The following PTPN5 variants were observed in gnomAD, a reference collection of about 807,000 sequenced individuals.
PTPN5 encodes the protein tyrosine-protein phosphatase non-receptor type 5.
In PTPN5, 29 loss-of-function variants were observed where a neutral mutation model predicts 73.9. The ratio of observed to expected loss-of-function variants is 0.39; its 90% CI spans 0.29 to 0.54. The LOEUF (loss-of-function observed/expected upper bound fraction) is 0.54, where lower values mean the gene tolerates loss of function less well. PTPN5 is among the 20% of genes least tolerant of loss of function. PTPN5 has a pLI of 0.65. For synonymous variants in PTPN5, 267 were observed against 304.7 expected (o/e 0.88, Z 1.29); for missense variants, 652 against 751.4 (o/e 0.87, Z 1.55).
intron 3 of PTPN5, among the ~76,000 whole-genome samples, chr11:18,746,104 T>A (rs1157004565): frequency 6.7e-6 from 1 of 149,442 alleles, no homozygotes; most frequent in Admixed American, 6.7e-5. Flanking sequence ...TTACTCAGTT[T>A]TTTTTGCCTG....
intron 5 of PTPN5, 35 bp downstream of exon 5, chr11:18,743,287 C>A (rs1474326983): frequency 6.3e-7 from 1 of 1,598,844 alleles, no homozygotes; most frequent in Middle Eastern, 1.7e-4. Flanking sequence ...CCCAACAGAT[C>A]CCTGCTACCC....
intron 9 of PTPN5, among the ~76,000 whole-genome samples, chr11:18,735,169 AAAG>A (rs1482709445): frequency 6.6e-6 from 1 of 152,220 alleles, no homozygotes; most frequent in Non-Finnish European, 1.5e-5. Flanking sequence ...TAAAGGATAA[AAAG>A]AAGGATCCTA....
intron 1 of PTPN5, among the ~76,000 whole-genome samples, chr11:18,779,266 G>T (rs1418316691): frequency 6.6e-6 from 1 of 152,016 alleles, no homozygotes; most frequent in African/African-American, 2.4e-5. Flanking sequence ...TTTGGTGGAA[G>T]AGTCTAACTG....
rs533766688 is a variant in PTPN5 at position 18,776,586 on chromosome 11, A to G, written c.-113-4515T>C. 9.7e-4 allele frequency among the ~76,000 whole-genome samples: 147 copies of G among 152,050 alleles called. 2 individuals are homozygous for G. The highest frequency in any genetic ancestry group is 3.4e-3 in the African/African-American group (142 of 41,462). ...ACACGTATGACATCATTCACCTCTC[A>G]CTAGAACCATATGAGGTAAAAAGTC... On this transcript the variant is annotated intron_variant, in intron 1 of 14. Coordinates refer to ENST00000358540, the MANE Select transcript of PTPN5 (RefSeq NM_006906.2).
chr11:18,778,541 C>T (rs1292666745), intron 1 of PTPN5, among the ~76,000 whole-genome samples: 1 of 152,206 alleles, frequency 6.6e-6, no homozygotes, highest in Admixed American at 6.5e-5. Flanking sequence ...ATGGTTTGTG[C>T]CATCCTGACG....
chr11:18,740,690 C>T lies in PTPN5; in HGVS notation c.828G>A (p.Glu276=). ...GGACACGGGAGGCGCTGAGCAGGTACTCGCGGGCGGACTCCTCACGTGGGG... is the reference window on the plus strand; with the variant it reads ...GGACACGGGAGGCGCTGAGCAGGTATTCGCGGGCGGACTCCTCACGTGGGG... ...LMSPREESAR[E]YLLSASRVLQ... Residue 276 remains glutamate (E), a synonymous_variant, in exon 8 of 15, where the codon GAG becomes GAA. Coordinates refer to ENST00000358540, the MANE Select transcript of PTPN5 (RefSeq NM_006906.2). 6.2e-7 allele frequency: 1 copy of T among 1,609,364 alleles called. No individual in the cohort carries two copies. Among genetic ancestry groups the T allele is most frequent in the Non-Finnish European group, 8.5e-7 (1 of 1,177,420 alleles).
chr11:18,775,786 G>A (rs1000823168), intron 1 of PTPN5, among the ~76,000 whole-genome samples: 2 of 152,130 alleles, frequency 1.3e-5, no homozygotes, highest in Non-Finnish European at 2.9e-5. Flanking sequence ...GACCTCTAAG[G>A]GCCTTTCCTT....
At chr11:18,791,022 G>C (rs1851894625) in intron 1 of PTPN5, among the ~76,000 whole-genome samples, 1 of 152,196 alleles carries the variant, frequency 6.6e-6, no homozygotes, top group Non-Finnish European at 1.5e-5. Flanking sequence ...CTGGGGGAGG[G>C]GAGCGCGCTA....
chr11:18,747,104 G>C (rs1296304424), intron 3 of PTPN5, among the ~76,000 whole-genome samples: 1 of 152,026 alleles, frequency 6.6e-6, no homozygotes, highest in Non-Finnish European at 1.5e-5. Context: ...CCTCAGAGGA[G>C]AGGGAACATG....
chr11:18,737,848 G>GC, intron 9 of PTPN5, 32 bp downstream of exon 9: 1 of 1,581,844 alleles, frequency 6.3e-7, no homozygotes, highest in Non-Finnish European at 8.7e-7. Flanking sequence ...AGCTGAGCCT[G>GC]CCCCCATCCC....
Position 18,737,887 on chromosome 11 carries a change from T to G in PTPN5, c.993A>C (p.Ile331=). The G allele has an allele frequency of 6.2e-7, 1 of 1,613,760 alleles. No individual in the cohort carries two copies. The highest frequency in any genetic ancestry group is 8.5e-7 in the Non-Finnish European group (1 of 1,179,720). ...GGGACAGTGAGTACTCACTGGGAAG[T>G]ATGGTTTTGTACCGGTTCTTCCGCA... The part of the protein sequence containing the change: ...GLVRKNRYKT[I]LPNPHSRVCL... Residue 331 remains isoleucine, a synonymous_variant, in exon 9 of 15, where the codon ATA becomes ATC. Transcript: ENST00000358540.
intron 11 of PTPN5, 89 bp from the exon 12 acceptor site, chr11:18,732,791 A>C: frequency 9.3e-7 from 1 of 1,073,442 alleles, no homozygotes; most frequent in Non-Finnish European, 1.4e-6. Flanking sequence ...AGAGATACAC[A>C]AGGGCAACAG....
intron 3 of PTPN5, among the ~76,000 whole-genome samples, chr11:18,756,757 C>G (rs1321213306): frequency 6.6e-6 from 1 of 151,238 alleles, no homozygotes; most frequent in Non-Finnish European, 1.5e-5. Context: ...CCCGTCTCTA[C>G]TAAAAATAAA....
At chr11:18,754,574 G>C (rs1433834287) in intron 3 of PTPN5, among the ~76,000 whole-genome samples, 1 of 152,102 alleles carries the variant, frequency 6.6e-6, no homozygotes, top group African/African-American at 2.4e-5. Flanking sequence ...CAACCCAAAG[G>C]GTGGTGACTC....
Position 18,742,381 on chromosome 11 carries a change from C to T in PTPN5, c.606G>A (p.Glu202=), listed in dbSNP as rs1406715566. The part of the protein sequence containing the change: ...TYSEWMEEKI[E]DDFLDLDPVP... ...CCGGGTCGAGGTCCAGGAAGTCATC[C>T]TCGATCTTCTCCTCCATCCACTCTG... The change falls in exon 7 of 15, where the codon GAG becomes GAA. Residue 202 remains glutamate (E), a synonymous_variant. Transcript: ENST00000358540. The surrounding 1 kb of genome is among the most constrained non-coding windows in gnomAD (Gnocchi z 4.1). 6.2e-7 allele frequency: 1 copy of T among 1,614,048 alleles called. No individual in the cohort carries two copies. The highest frequency in any genetic ancestry group is 8.5e-7 in the Non-Finnish European group (1 of 1,180,032).
chr11:18,760,804 G>A (rs1850351995), intron 3 of PTPN5, among the ~76,000 whole-genome samples: 2 of 152,246 alleles, frequency 1.3e-5, no homozygotes, highest in African/African-American at 4.8e-5. Flanking sequence ...GAGCAGAGAA[G>A]TCCATAGGGC....
intron 3 of PTPN5, among the ~76,000 whole-genome samples, chr11:18,749,699 C>T (rs999001253): frequency 6.6e-6 from 1 of 152,168 alleles, no homozygotes; most frequent in African/African-American, 2.4e-5. Flanking sequence ...ACCTGGGGCA[C>T]AGGGAAACGC....
intron 1 of PTPN5, among the ~76,000 whole-genome samples, chr11:18,789,313 G>A (rs1044551717): frequency 6.6e-6 from 1 of 152,066 alleles, no homozygotes; most frequent in African/African-American, 2.4e-5. Flanking sequence ...ATAAATACGT[G>A]CTCCCACCCC....
intron 1 of PTPN5, among the ~76,000 whole-genome samples, chr11:18,784,513 ATT>A (rs1018294649): frequency 6.6e-6 from 1 of 152,224 alleles, no homozygotes; most frequent in African/African-American, 2.4e-5. Flanking sequence ...AGGAATTAGT[ATT>A]TAATGAGTAC....
Sources: allele counts gnomAD v4.1 joint callset (sites outside exome capture counted in the v4.1 genomes callset), GRCh38; gene constraint gnomAD v4.1.1; non-coding constraint Gnocchi (gnomAD v3.1); transcripts MANE v1.5; gene names NCBI Gene and HGNC (gene_info 2026-07-23, HGNC 2026-07-21).